Variants in NDUFAF6 observed in about 807,000 individuals in gnomAD.
NDUFAF6 encodes the protein NADH:ubiquinone oxidoreductase complex assembly factor 6.
A neutral mutation model predicts 40.8 loss-of-function variants in NDUFAF6; 45 were observed. That is an observed-to-expected ratio of 1.10 (90% CI 0.87 to 1.42). NDUFAF6 has a LOEUF of 1.42. Ranked by LOEUF, NDUFAF6 falls within the 40% of genes most tolerant of loss-of-function variation. The pLI, the probability that NDUFAF6 is intolerant of heterozygous loss-of-function variation, is 0.00. For missense variants in NDUFAF6, 435 were observed against 418.5 expected (o/e 1.04, Z -0.34); for synonymous variants, 185 against 155.9 (o/e 1.19, Z -1.39).
chr8:94,916,827 A>AG (rs1171802422), intron 1 of NDUFAF6, among the ~76,000 whole-genome samples: 3 of 148,812 alleles, frequency 2.0e-5, no homozygotes, highest in Non-Finnish European at 4.5e-5. Flanking sequence ...AAAAAAAAAA[A>AG]AAAAAGGCCG....
intron 4 of NDUFAF6, among the ~76,000 whole-genome samples, chr8:95,113,651 G>A (rs1027613498): frequency 6.6e-6 from 1 of 152,216 alleles, no homozygotes; most frequent in African/African-American, 2.4e-5. Flanking sequence ...GGAAATAAGT[G>A]CTTTTGTTAG....
intron 2 of NDUFAF6, among the ~76,000 whole-genome samples, chr8:94,995,601 A>G (rs1246852312): frequency 6.6e-6 from 1 of 152,142 alleles, no homozygotes; most frequent in Non-Finnish European, 1.5e-5. Flanking sequence ...CTTGAAAAAA[A>G]AAAAGAATGG....
chr8:94,917,879 C>T (rs1819241368), intron 1 of NDUFAF6, among the ~76,000 whole-genome samples: 1 of 152,288 alleles, frequency 6.6e-6, no homozygotes, highest in East Asian at 1.9e-4. Flanking sequence ...ACATCAATCT[C>T]TTCATCATGT....
chr8:95,116,250 G>GTT (rs879850841), intron 5 of NDUFAF6: 32 of 143,526 alleles, frequency 2.2e-4, no homozygotes, highest in Admixed American at 4.9e-4. Flanking sequence ...AGTTTTTAAA[G>GTT]TTTTTTTTTT....
downstream of NDUFAF6, among the ~76,000 whole-genome samples, chr8:95,059,851 AAAAAAAG>A (rs947103741): frequency 2.0e-5 from 3 of 151,792 alleles, no homozygotes; most frequent in East Asian, 1.9e-4. Flanking sequence ...TCCATCTCAA[AAAAAAAG>A]AAAAAAGAAA....
chr8:94,984,304 G>A (rs1053880140), intron 2 of NDUFAF6: 5 of 151,906 alleles, frequency 3.3e-5, no homozygotes, highest in Admixed American at 3.3e-4. Flanking sequence ...AAAAAAACAG[G>A]GAGTTAAAAT....
chr8:95,009,643 A>C (rs908304389), intron 2 of NDUFAF6, among the ~76,000 whole-genome samples: 1 of 152,196 alleles, frequency 6.6e-6, no homozygotes, highest in African/African-American at 2.4e-5. Context: ...GCTTCGGGCC[A>C]GCCCAGACAG....
At chr8:94,998,255 A>C (rs930110749) in intron 2 of NDUFAF6, among the ~76,000 whole-genome samples, 3 of 152,218 alleles carry the variant, frequency 2.0e-5, no homozygotes, top group Non-Finnish European at 4.4e-5. Flanking sequence ...TGCCCCGTGC[A>C]CAAAGCACAA....
At chr8:94,918,180 G>A (rs1367871254) in intron 1 of NDUFAF6, among the ~76,000 whole-genome samples, 1 of 152,138 alleles carries the variant, frequency 6.6e-6, no homozygotes, top group Non-Finnish European at 1.5e-5. Flanking sequence ...TTCCTGATCA[G>A]TGCCATGGAA....
At chr8:95,006,095 C>T (rs572267717) in intron 2 of NDUFAF6, among the ~76,000 whole-genome samples, 20 of 152,204 alleles carry the variant, frequency 1.3e-4, no homozygotes, top group African/African-American at 2.9e-4. Flanking sequence ...CGGTGGCTCA[C>T]GCCTGTAATC....
intron 1 of NDUFAF6, among the ~76,000 whole-genome samples, chr8:94,979,068 TTTG>T (rs1432901862): frequency 1.3e-5 from 2 of 152,166 alleles, no homozygotes; most frequent in Non-Finnish European, 2.9e-5. Flanking sequence ...CAAAACAGTG[TTTG>T]TTTCCTGTTT....
chr8:95,066,310 T>TTTTTA (rs1832703164), intron 9 of NDUFAF6, among the ~76,000 whole-genome samples: 1 of 94,260 alleles, frequency 1.1e-5, no homozygotes, highest in African/African-American at 3.7e-5. Flanking sequence ...TTTTTTTTTT[T>TTTTTA]GAGAGACAGG....
chr8:94,957,028 C>T (rs189018837), upstream of NDUFAF6, among the ~76,000 whole-genome samples: 10 of 152,166 alleles, frequency 6.6e-5, no homozygotes, highest in East Asian at 7.7e-4. Flanking sequence ...AAAAATTACC[C>T]GGGCGGGGTG....
chr8:95,031,933 A>G, intron 1 of NDUFAF6, 62 bp from the exon 2 acceptor site: 1 of 1,477,136 alleles, frequency 6.8e-7, no homozygotes, highest in Non-Finnish European at 9.5e-7. Flanking sequence ...AATTTTAGTC[A>G]GTATTTTTTT....
intron 2 of NDUFAF6, chr8:94,988,263 GACA>G (rs1341381619): frequency 6.6e-6 from 1 of 152,186 alleles, no homozygotes; most frequent in East Asian, 1.9e-4. Flanking sequence ...TATCCCTGGA[GACA>G]ACTTTGGCAA....
intron 1 of NDUFAF6, chr8:94,932,039 T>TA (rs769926486): frequency 5.6e-6 from 9 of 1,600,994 alleles, no homozygotes; most frequent in Non-Finnish European, 6.8e-6. Flanking sequence ...TGCATACATA[T>TA]ATCACACAGT....
At position 94,904,940 on chromosome 8, in the gene NDUFAF6, C is replaced by G. The variant is rs1188574318; in HGVS notation, c.-936+9013C>G. On this transcript the variant is annotated intron_variant, in intron 1 of 14. Transcript: ENST00000396113. ...TCTGGCCAGGCGCGGTGGCTCATGC[C>G]TGTAATCCCAGCACTTTGGGAGGCC... Among the ~76,000 whole-genome samples, 9 of 152,284 alleles carry G rather than the reference C, an allele frequency of 5.9e-5. No individual in the cohort carries two copies. In the East Asian group the frequency reaches 1.7e-3, roughly 29 times the overall value.
At chr8:94,987,405 T>A (rs919413536) in intron 2 of NDUFAF6, among the ~76,000 whole-genome samples, 1 of 152,144 alleles carries the variant, frequency 6.6e-6, no homozygotes, top group South Asian at 2.1e-4. Flanking sequence ...TACACATTAA[T>A]GGAATAAACA....
upstream of NDUFAF6, among the ~76,000 whole-genome samples, chr8:95,022,724 G>A (rs1352114492): frequency 6.6e-6 from 1 of 151,962 alleles, no homozygotes; most frequent in African/African-American, 2.4e-5. Flanking sequence ...GCAAAATCCA[G>A]AAGCCATAAA....
Sources: gnomAD v4.1 joint callset for allele counts (sites outside exome capture counted in the v4.1 genomes callset) on GRCh38, gnomAD v4.1.1 for gene constraint, MANE v1.5 for transcripts, NCBI Gene and HGNC (gene_info 2026-07-23, HGNC 2026-07-21) for gene names.